Variants in ROBO2 observed in about 807,000 individuals in gnomAD.
The protein encoded by ROBO2 is roundabout homolog 2.
ROBO2 carries 53 observed loss-of-function variants against 160.8 expected under a neutral mutation model. The observed-to-expected ratio is 0.33, with a 90% confidence interval of 0.26 to 0.41. The LOEUF is 0.41. ROBO2 is among the 10% of genes least tolerant of loss of function. ROBO2 has a pLI of 1.00. For missense variants in ROBO2, 1,577 were observed against 1,722.4 expected, an observed-to-expected ratio of 0.92 and a Z score of 1.49; for synonymous variants, 664 against 611.7, an observed-to-expected ratio of 1.09 and a Z score of -1.26.
intron 2 of ROBO2, among the ~76,000 whole-genome samples, chr3:76,381,172 A>G (rs1019913111): frequency 6.6e-6 from 1 of 152,150 alleles, no homozygotes; most frequent in Non-Finnish European, 1.5e-5. Flanking sequence ...GGGGGTGTCA[A>G]TTAAAATTAG....
At chr3:76,897,249 A>G (rs2074858943) in intron 2 of ROBO2, among the ~76,000 whole-genome samples, 1 of 150,960 alleles carries the variant, frequency 6.6e-6, no homozygotes, top group African/African-American at 2.4e-5. Flanking sequence ...GTGTAACTGC[A>G]TAACAACATC....
At chr3:75,935,561 ATT>A in intron 1 of ROBO2, among the ~76,000 whole-genome samples, 1 of 152,274 alleles carries the variant, frequency 6.6e-6, no homozygotes, top group Non-Finnish European at 1.5e-5. Flanking sequence ...ATATATAAAT[ATT>A]TATATAAACA....
At chr3:77,427,000 C>G (rs1323928719) in intron 2 of ROBO2, among the ~76,000 whole-genome samples, 1 of 151,984 alleles carries the variant, frequency 6.6e-6, no homozygotes, top group Non-Finnish European at 1.5e-5. Context: ...AATTTGCTAA[C>G]AGCGAACTTC....
intron 2 of ROBO2, among the ~76,000 whole-genome samples, chr3:77,222,381 T>C (rs1010529526): frequency 6.6e-6 from 1 of 152,204 alleles, no homozygotes; most frequent in African/African-American, 2.4e-5. Context: ...GGTTACATGT[T>C]ACCGATAACC....
chr3:76,392,738 AT>A (rs942034926), intron 2 of ROBO2, among the ~76,000 whole-genome samples: 2 of 152,054 alleles, frequency 1.3e-5, no homozygotes, highest in Non-Finnish European at 2.9e-5. Context: ...ATATCAGAAC[AT>A]TTTTTTATAA....
At chr3:76,808,371 G>A (rs543913057) in intron 2 of ROBO2, among the ~76,000 whole-genome samples, 15 of 152,210 alleles carry the variant, frequency 9.9e-5, no homozygotes, top group Admixed American at 4.6e-4. Context: ...CAAGGGTTAT[G>A]AGTTTATTCA....
chr3:76,718,560 G>A (rs1396576450), intron 2 of ROBO2, among the ~76,000 whole-genome samples: 2 of 152,142 alleles, frequency 1.3e-5, no homozygotes, highest in Non-Finnish European at 2.9e-5. Context: ...CGATGAGTGA[G>A]CTTAAAACTC....
chr3:77,452,577 A>C (rs1463572198), intron 2 of ROBO2, among the ~76,000 whole-genome samples: 1 of 152,160 alleles, frequency 6.6e-6, no homozygotes, highest in Admixed American at 6.6e-5. Flanking sequence ...ATATAATAAT[A>C]CGTAATTTTG....
At chr3:75,925,471 A>C (rs145252575) in intron 1 of ROBO2, among the ~76,000 whole-genome samples, 38 of 152,290 alleles carry the variant, frequency 2.5e-4, no homozygotes, top group Non-Finnish European at 4.9e-4. Context: ...CTCTGATTAT[A>C]TGAGGCTGGG....
chr3:77,522,814 G>T, exon 6 of ROBO2: 1 of 1,609,486 alleles, frequency 6.2e-7, no homozygotes, highest in Non-Finnish European at 8.5e-7. Context: ...GAATTAAAAA[G>T]ACCATGAGTA....
rs557497435 is a variant in ROBO2, at chr3:76,451,619, A to G, written c.109+514017A>G. Among the ~76,000 whole-genome samples the G allele has an allele frequency of 4.6e-5, 7 of 152,284 alleles. No homozygotes were observed. The East Asian group carries it at 1.2e-3, about 25-fold the overall frequency. ...GATGTGACCTCCTACTCTGCAAAGA[A>G]TTTATATTTCCATTAAGCACTTTGA... On this transcript the variant is annotated intron_variant, in intron 2 of 26. Transcript: ENST00000487694.
intron 2 of ROBO2, among the ~76,000 whole-genome samples, chr3:76,577,271 C>A (rs1482424829): frequency 6.6e-6 from 1 of 152,060 alleles, no homozygotes; most frequent in Non-Finnish European, 1.5e-5. Flanking sequence ...CCTCAAAAAT[C>A]TATCAGCAAA....
intron 2 of ROBO2, among the ~76,000 whole-genome samples, chr3:76,167,905 G>A (rs575544684): frequency 1.3e-4 from 20 of 152,248 alleles, no homozygotes; most frequent in South Asian, 2.1e-4. Flanking sequence ...AGTGTGTAAG[G>A]TAATCATTCC....
intron 2 of ROBO2, among the ~76,000 whole-genome samples, chr3:76,338,514 A>C (rs1324654641): frequency 6.7e-6 from 1 of 149,526 alleles, no homozygotes; most frequent in African/African-American, 2.4e-5. Flanking sequence ...CTGACTCTTA[A>C]AAAAAAAAAT....
intron 2 of ROBO2, among the ~76,000 whole-genome samples, chr3:76,147,055 C>G (rs2071937271): frequency 6.6e-6 from 1 of 151,080 alleles, no homozygotes; most frequent in African/African-American, 2.4e-5. Flanking sequence ...ATCTGTACAG[C>G]AAACCCCAAT....
intron 24 of ROBO2, 109 bp downstream of exon 25, chr3:77,635,152 A>C: frequency 8.2e-7 from 1 of 1,215,856 alleles, no homozygotes; most frequent in Non-Finnish European, 1.2e-6. Context: ...TTCATTACAT[A>C]ACAAGACAAA....
chr3:77,040,882 C>T (rs768085927), intron 1 of ROBO2, 36 bp downstream of exon 1: 1 of 1,603,404 alleles, frequency 6.2e-7, no homozygotes, highest in Admixed American at 1.7e-5. Flanking sequence ...TTTTGCGCCC[C>T]CCACCCCCCA....
chr3:76,963,198 G>C (rs879811908), intron 2 of ROBO2, among the ~76,000 whole-genome samples: 18 of 152,070 alleles, frequency 1.2e-4, no homozygotes, highest in Non-Finnish European at 1.8e-4. Context: ...TCTCAGCTAA[G>C]TGATCATAAA....
intron 23 of ROBO2, 175 bp from the exon 25 acceptor site, chr3:77,634,695 T>C (rs2095233060): frequency 3.0e-6 from 2 of 663,686 alleles, no homozygotes; most frequent in Non-Finnish European, 2.6e-6. Flanking sequence ...GAACAAAATA[T>C]GTGCAGCTGA....
Sources: gnomAD v4.1 joint callset for allele counts (sites outside exome capture counted in the v4.1 genomes callset) on GRCh38, gnomAD v4.1.1 for gene constraint, MANE v1.5 for transcripts, NCBI Gene and HGNC (gene_info 2026-07-23, HGNC 2026-07-21) for gene names.